RASGRF2: variants seen among roughly 807,000 people sequenced by gnomAD.
The protein encoded by RASGRF2 is ras-specific guanine nucleotide-releasing factor 2.
A neutral mutation model predicts 151.0 loss-of-function variants in RASGRF2; 76 were observed. The ratio of observed to expected loss-of-function variants is 0.50; its 90% confidence interval spans 0.42 to 0.61. The LOEUF (loss-of-function observed/expected upper bound fraction) is 0.61, where lower values mean the gene tolerates loss of function less well. Among genes scored for constraint, RASGRF2 ranks in the 20% least tolerant of loss-of-function variants. The probability of loss-of-function intolerance (pLI) is 0.00; values close to 1 mark genes in which losing one functional copy is unlikely to be tolerated. For missense variants in RASGRF2, 1,148 were observed against 1,564.6 expected (o/e 0.73, Z 4.49); for synonymous variants, 504 against 566.5 (o/e 0.89, Z 1.57).
At chr5:81,073,174 T>G in intron 4 of RASGRF2, 25 bp from the exon 5 acceptor site, 2 of 1,600,282 alleles carry the variant, frequency 1.2e-6, no homozygotes, top group South Asian at 1.1e-5. Context: ...CTAGTCAGAT[T>G]CCTTTCTGAT....
At chr5:81,068,254 T>C in intron 3 of RASGRF2, 75 bp downstream of exon 3, 2 of 1,503,734 alleles carry the variant, frequency 1.3e-6, no homozygotes, top group Non-Finnish European at 1.8e-6. Context: ...TTAAGGCCTA[T>C]TCAGGGCAAC....
At chr5:81,062,012 A>C (rs1224049518) in intron 2 of RASGRF2, among the ~76,000 whole-genome samples, 13 of 148,828 alleles carry the variant, frequency 8.7e-5, no homozygotes, top group Admixed American at 5.4e-4. Flanking sequence ...AAAAAAAAAA[A>C]AAAAAAAAAA....
intron 17 of RASGRF2, among the ~76,000 whole-genome samples, chr5:81,129,024 A>G (rs2112576100): frequency 6.6e-6 from 1 of 152,240 alleles, no homozygotes; most frequent in African/African-American, 2.4e-5. Context: ...CTGTAATCCC[A>G]ACTACTTGGG....
chr5:81,073,556 TA>T, intron 5 of RASGRF2, 104 bp downstream of exon 5: 2 of 1,129,548 alleles, frequency 1.8e-6, no homozygotes, highest in South Asian at 4.3e-5. Context: ...TCATCTCTAT[TA>T]GTTTATGATA....
At chr5:81,138,668 GA>G (rs1753813261) in intron 17 of RASGRF2, among the ~76,000 whole-genome samples, 1 of 152,092 alleles carries the variant, frequency 6.6e-6, no homozygotes, top group Admixed American at 6.6e-5. Context: ...TCAACCTCCA[GA>G]AGTTCATCAA....
In RASGRF2 at chr5:81,128,227, G is replaced by A. The variant is rs116394328; in HGVS notation, c.2686+1064G>A. ...CTGGAGATCAATTGTACACCATGGT[G>A]ACTAGTTAAAAATGTACCGCATACT... On this transcript the variant is annotated intron_variant, in intron 17 of 26. Transcript: ENST00000265080. 2.6e-3 allele frequency among the ~76,000 whole-genome samples: 399 copies of A among 152,238 alleles called. 1 individual carries two copies. The highest frequency in any genetic ancestry group is 3.4e-3 in the Non-Finnish European group (234 of 68,022).
At chr5:81,036,828 A>G (rs1329300931) in intron 1 of RASGRF2, among the ~76,000 whole-genome samples, 2 of 151,956 alleles carry the variant, frequency 1.3e-5, no homozygotes, top group African/African-American at 2.4e-5. Flanking sequence ...CTGTATTTCT[A>G]TTTCTTAGTT....
chr5:80,961,464 G>A (rs1033580501), intron 1 of RASGRF2, among the ~76,000 whole-genome samples: 1 of 152,160 alleles, frequency 6.6e-6, no homozygotes, highest in Non-Finnish European at 1.5e-5. Flanking sequence ...AGATTTCTTT[G>A]CCTGCAGATG....
At chr5:81,006,841 C>T (rs143865407) in intron 1 of RASGRF2, among the ~76,000 whole-genome samples, 2 of 152,266 alleles carry the variant, frequency 1.3e-5, no homozygotes, top group African/African-American at 4.8e-5. Context: ...ACACATGTCT[C>T]AGAAAGAAAG....
chr5:81,105,128 A>G (rs1013314846), intron 12 of RASGRF2, among the ~76,000 whole-genome samples: 2 of 152,120 alleles, frequency 1.3e-5, no homozygotes, highest in African/African-American at 4.8e-5. Flanking sequence ...GCATCTTAAG[A>G]TACCCTGATT....
chr5:80,996,504 C>G (rs1748870122), intron 1 of RASGRF2, among the ~76,000 whole-genome samples: 1 of 50,230 alleles, frequency 2.0e-5, no homozygotes, highest in African/African-American at 7.8e-5. Flanking sequence ...TCTTCTTCTT[C>G]CTCCTCCTCC....
chr5:81,143,278 G>T (rs1753926390), intron 17 of RASGRF2, among the ~76,000 whole-genome samples: 1 of 151,854 alleles, frequency 6.6e-6, no homozygotes, highest in Non-Finnish European at 1.5e-5. Flanking sequence ...CTCCCAAGTA[G>T]CTGGGATTAC....
intron 17 of RASGRF2, among the ~76,000 whole-genome samples, chr5:81,164,489 G>A (rs1352045519): frequency 6.7e-6 from 1 of 150,284 alleles, no homozygotes; most frequent in Admixed American, 6.6e-5. Flanking sequence ...GTTTAAGAAT[G>A]AATATGGTTC....
intron 26 of RASGRF2, among the ~76,000 whole-genome samples, chr5:81,224,513 G>T (rs1252733791): frequency 6.6e-6 from 1 of 152,154 alleles, no homozygotes; most frequent in African/African-American, 2.4e-5. Flanking sequence ...ACTTATCTTA[G>T]GACCTAGCAA....
At chr5:81,092,212 T>G (rs1752409535) in intron 9 of RASGRF2, among the ~76,000 whole-genome samples, 1 of 152,210 alleles carries the variant, frequency 6.6e-6, no homozygotes, top group Non-Finnish European at 1.5e-5. Flanking sequence ...AAATAATTTT[T>G]ATCTCACATA....
In RASGRF2 at chr5:81,060,711, A is replaced by G. The variant is rs1227248009; in HGVS notation, c.396-7321A>G. On this transcript the variant is annotated intron_variant, in intron 2 of 26. Coordinates refer to ENST00000265080, the MANE Select transcript of RASGRF2 (RefSeq NM_006909.3). ...GCAGGAACCCAGGAAGAAGGAAATCATGTTACTTATAATCCCAATGCATGA... is the reference window on the plus strand; with the variant it reads ...GCAGGAACCCAGGAAGAAGGAAATCGTGTTACTTATAATCCCAATGCATGA... 2.0e-5 allele frequency among the ~76,000 whole-genome samples: 3 copies of G among 152,226 alleles called. No individual in the cohort carries two copies. The East Asian group carries it at 5.8e-4, about 29-fold the overall frequency.
chr5:81,047,599 G>T (rs1336968315), intron 2 of RASGRF2, among the ~76,000 whole-genome samples: 2 of 152,108 alleles, frequency 1.3e-5, no homozygotes, highest in African/African-American at 4.8e-5. Context: ...GCATACAAAA[G>T]GAAAAAAGAA....
intron 17 of RASGRF2, among the ~76,000 whole-genome samples, chr5:81,140,411 AACACACACAC>A (rs138439687): frequency 1.3e-5 from 2 of 148,432 alleles, no homozygotes. Context: ...CCTATTTTTA[AACACACACAC>A]ACACACACAC....
At chr5:81,194,265 G>A (rs754080403) in intron 18 of RASGRF2, among the ~76,000 whole-genome samples, 3 of 151,722 alleles carry the variant, frequency 2.0e-5, no homozygotes, top group Non-Finnish European at 4.4e-5. Context: ...CCGAGGTGGC[G>A]GGAATCCCTT....
Sources: allele counts gnomAD v4.1 joint callset (sites outside exome capture counted in the v4.1 genomes callset), GRCh38; gene constraint gnomAD v4.1.1; transcripts MANE v1.5; gene names NCBI Gene and HGNC (gene_info 2026-07-23, HGNC 2026-07-21).